Variants in CEP128 observed in about 807,000 individuals in gnomAD.
The protein encoded by CEP128 is centrosomal protein 128, also known as centrosomal protein 128kDa.
Under a neutral mutation model 156.7 loss-of-function variants are expected in CEP128, and 132 were observed. The observed-to-expected ratio is 0.84, with a 90% CI of 0.73 to 0.97. The LOEUF is 0.97. Among genes scored for constraint, CEP128 ranks in the 50% least tolerant of loss-of-function variants. The probability of loss-of-function intolerance (pLI) is 0.00; values close to 1 mark genes in which losing one functional copy is unlikely to be tolerated. For synonymous variants in CEP128, 469 were observed against 448.9 expected, an observed-to-expected ratio of 1.04 and a Z score of -0.57; for missense variants, 1,252 against 1,281.9, an observed-to-expected ratio of 0.98 and a Z score of 0.36.
chr14:80,944,822 C>CAAAAAAAAAAAAAAAAAAAAA (rs55662141), upstream of CEP128, among the ~76,000 whole-genome samples: 4 of 34,658 alleles, frequency 1.2e-4, no homozygotes, highest in Non-Finnish European at 1.7e-4. Context: ...GAGTCTGTCT[C>CAAAAAAAAAAAAAAAAAAAAA]AAAAAAAAAA....
intron 16 of CEP128, among the ~76,000 whole-genome samples, chr14:80,768,391 G>C (rs955991695): frequency 6.6e-6 from 1 of 152,122 alleles, no homozygotes. Context: ...CCATGTGTGA[G>C]AGAATGAGCT....
chr14:80,549,701 C>CT (rs1254801507), intron 21 of CEP128, among the ~76,000 whole-genome samples: 1 of 152,166 alleles, frequency 6.6e-6, no homozygotes, highest in Non-Finnish European at 1.5e-5. Context: ...AGTAAGTACT[C>CT]TAACTCATTT....
downstream of CEP128, among the ~76,000 whole-genome samples, chr14:80,486,681 C>T (rs909118615): frequency 6.6e-6 from 1 of 152,164 alleles, no homozygotes; most frequent in Non-Finnish European, 1.5e-5. Context: ...TCAGCAGAAA[C>T]TCTACAAGCC....
chr14:80,578,697 T>C (rs1467843427), intron 20 of CEP128, among the ~76,000 whole-genome samples: 1 of 152,192 alleles, frequency 6.6e-6, no homozygotes, highest in Non-Finnish European at 1.5e-5. Flanking sequence ...CTATCACCTC[T>C]GATAATCATA....
At chr14:80,697,946 G>A (rs1175473943) in intron 19 of CEP128, among the ~76,000 whole-genome samples, 2 of 151,566 alleles carry the variant, frequency 1.3e-5, no homozygotes, top group Non-Finnish European at 3.0e-5. Context: ...AGAAATCTGG[G>A]CCCTAAAAAT....
chr14:80,910,092 A>G (rs1423347473), intron 4 of CEP128, among the ~76,000 whole-genome samples: 1 of 152,154 alleles, frequency 6.6e-6, no homozygotes, highest in African/African-American at 2.4e-5. Flanking sequence ...ACTTTCCCCT[A>G]TATGAAATAT....
chr14:80,769,680 AT>A (rs1900419594), intron 16 of CEP128, among the ~76,000 whole-genome samples: 1 of 152,194 alleles, frequency 6.6e-6, no homozygotes, highest in African/African-American at 2.4e-5. Flanking sequence ...ATGAAAGAAT[AT>A]TTTTTAAACT....
chr14:80,731,602 A>G (rs998692392), intron 19 of CEP128, among the ~76,000 whole-genome samples: 13 of 152,188 alleles, frequency 8.5e-5, no homozygotes, highest in African/African-American at 3.1e-4. Context: ...AACAAGGTCA[A>G]TAGTCTCAAT....
At chr14:80,822,230 T>C (rs1444660001) in intron 13 of CEP128, among the ~76,000 whole-genome samples, 1 of 152,160 alleles carries the variant, frequency 6.6e-6, no homozygotes, top group African/African-American at 2.4e-5. Context: ...AAGTTTCATC[T>C]GAGACAAGGC....
intron 19 of CEP128, among the ~76,000 whole-genome samples, chr14:80,680,172 G>C (rs531499241): frequency 6.6e-6 from 1 of 152,138 alleles, no homozygotes; most frequent in Non-Finnish European, 1.5e-5. Flanking sequence ...GCAGGCTTAG[G>C]GGTGGGATGA....
intron 19 of CEP128, among the ~76,000 whole-genome samples, chr14:80,740,465 C>G (rs1174288593): frequency 6.6e-6 from 1 of 151,370 alleles, no homozygotes; most frequent in African/African-American, 2.4e-5. Flanking sequence ...CACACACACA[C>G]ACACACACAC....
intron 21 of CEP128, among the ~76,000 whole-genome samples, chr14:80,539,161 G>A (rs1255088821): frequency 6.6e-6 from 1 of 151,528 alleles, no homozygotes; most frequent in Non-Finnish European, 1.5e-5. Context: ...CTGTCCTCAG[G>A]AACAGAAATG....
intron 2 of CEP128, among the ~76,000 whole-genome samples, chr14:80,917,841 T>TAACTA (rs1165933026): frequency 6.6e-6 from 1 of 152,218 alleles, no homozygotes; most frequent in African/African-American, 2.4e-5. Flanking sequence ...GGATGAAACA[T>TAACTA]AACTAAACAA....
At chr14:80,730,173 C>A (rs951740023) in intron 19 of CEP128, among the ~76,000 whole-genome samples, 5 of 152,140 alleles carry the variant, frequency 3.3e-5, no homozygotes, top group Non-Finnish European at 5.9e-5. Flanking sequence ...TGTTCATAAT[C>A]ATTGGCATTT....
intron 23 of CEP128, among the ~76,000 whole-genome samples, chr14:80,520,989 A>ATTT (rs533538115): frequency 2.7e-4 from 31 of 114,602 alleles, no homozygotes; most frequent in African/African-American, 6.0e-4. Flanking sequence ...CGCCCAGCTA[A>ATTT]TTTTTTTTTT....
At chr14:80,945,888 GC>G (rs1224439239), upstream of CEP128, 2 of 152,178 alleles carry the variant, frequency 1.3e-5, no homozygotes, top group Non-Finnish European at 1.5e-5. Flanking sequence ...CTGGATCCAA[GC>G]CTTGTTATTC....
At chr14:80,508,286 C>T (rs1201328303) in intron 23 of CEP128, among the ~76,000 whole-genome samples, 1 of 152,154 alleles carries the variant, frequency 6.6e-6, no homozygotes, top group East Asian at 1.9e-4. Flanking sequence ...TGACATATTT[C>T]ATTCTAGCAA....
At chr14:80,801,724 T>C (rs1353143433) in intron 13 of CEP128, among the ~76,000 whole-genome samples, 6 of 151,832 alleles carry the variant, frequency 4.0e-5, no homozygotes, top group East Asian at 3.9e-4. Flanking sequence ...CTAGCCAACA[T>C]AGTGAAACCC....
chr14:80,834,434 C>T (rs1213934243), intron 12 of CEP128, among the ~76,000 whole-genome samples: 3 of 152,026 alleles, frequency 2.0e-5, no homozygotes, highest in Admixed American at 2.0e-4. Context: ...CAGGTGGAAC[C>T]CATTTTGCAG....
Sources: gnomAD v4.1 joint callset for allele counts (sites outside exome capture counted in the v4.1 genomes callset) on GRCh38, gnomAD v4.1.1 for gene constraint, MANE v1.5 for transcripts, NCBI Gene and HGNC (gene_info 2026-07-23, HGNC 2026-07-21) for gene names.